ADGRB1: variants seen among roughly 807,000 people sequenced by gnomAD.
ADGRB1 encodes adhesion G protein-coupled receptor B1.
Under a neutral mutation model 175.7 loss-of-function variants are expected in ADGRB1, and 36 were observed. The ratio of observed to expected loss-of-function variants is 0.20; its 90% confidence interval spans 0.16 to 0.27. ADGRB1 has a LOEUF of 0.27. Among genes scored for constraint, ADGRB1 ranks in the 10% least tolerant of loss-of-function variants. ADGRB1 has a pLI of 1.00. For synonymous variants in ADGRB1, 1,054 were observed against 979.4 expected (o/e 1.08, Z -1.42); for missense variants, 1,731 against 2,255.3 (o/e 0.77, Z 4.71).
chr8:142,513,219 G>T (rs749297745), intron 18 of ADGRB1, among the ~76,000 whole-genome samples: 1 of 152,202 alleles, frequency 6.6e-6, no homozygotes, highest in Non-Finnish European at 1.5e-5. Flanking sequence ...GACCCTGGGA[G>T]CCTCAGTGTC....
chr8:142,525,781 G>C (rs1360844467), intron 23 of ADGRB1, among the ~76,000 whole-genome samples: 1 of 152,196 alleles, frequency 6.6e-6, no homozygotes, highest in African/African-American at 2.4e-5. Flanking sequence ...GCCTGAGGAA[G>C]TCAGGCCTTG....
At position 142,477,190 on chromosome 8, in the gene ADGRB1, G is replaced by A. The variant is rs371115579; in HGVS notation, c.1134G>A (p.Thr378=). 15 of 1,597,212 alleles carry A rather than the reference G, an allele frequency of 9.4e-6. No individual in the cohort carries two copies. Among genetic ancestry groups the A allele is most frequent in the Non-Finnish European group, 1.3e-5 (15 of 1,178,234 alleles). ...GCGGCGAGGGCTGGCAGACCCGCAC[G>A]CGCTTCTGCGTGTCCTCCTCCTACA... ...STCGEGWQTR[T]RFCVSSSYST... The change falls in exon 5 of 31, where the codon ACG becomes ACA. Residue 378 remains threonine, a synonymous_variant. Transcript: ENST00000517894.
chr8:142,499,210 G>C (rs931516672), intron 17 of ADGRB1, among the ~76,000 whole-genome samples: 2 of 152,228 alleles, frequency 1.3e-5, no homozygotes, highest in African/African-American at 4.8e-5. Flanking sequence ...GGGAGGCTGT[G>C]GGTGACTTTC....
In ADGRB1 at chr8:142,489,343, A is replaced by T. The variant is rs1448595402; in HGVS notation, c.2536A>T (p.Thr846Ser). 1 of 1,612,606 alleles carries T rather than the reference A, an allele frequency of 6.2e-7. No individual in the cohort carries two copies. The highest frequency in any genetic ancestry group is 1.3e-5 in the African/African-American group (1 of 74,870). The change falls in exon 16 of 31, where the codon ACC becomes TCC. Residue 846 changes from threonine to serine, a missense_variant. Physicochemically the swap from Thr to Ser is moderately conservative, Grantham distance 58 (BLOSUM62 1). This residue lies in a region of ADGRB1 where 388 missense variants were observed against 630.9 expected (regional missense o/e 0.61). Coordinates refer to ENST00000517894, the MANE Select transcript of ADGRB1 (RefSeq NM_001702.3). ...TGCCTCTGGCTCTTGCAGGAACACGACCGTCCTGAATTCTAAGGTGATCTC... is the reference window on the plus strand; with the variant it reads ...TGCCTCTGGCTCTTGCAGGAACACGTCCGTCCTGAATTCTAAGGTGATCTC... ...GSFLALQRNT[T>S]VLNSKVISVT...
intron 19 of ADGRB1, among the ~76,000 whole-genome samples, chr8:142,519,081 A>AT (rs909337913): frequency 4.6e-5 from 7 of 151,978 alleles, no homozygotes; most frequent in Non-Finnish European, 1.0e-4. Flanking sequence ...GTCCTGCCTG[A>AT]GGGGACAGCA....
chr8:142,488,622 G>A lies in ADGRB1; in HGVS notation c.2452+115G>A, dbSNP rs560943378. On this transcript the variant is annotated intron_variant, in intron 14 of 30. Coordinates refer to ENST00000517894, the MANE Select transcript of ADGRB1 (RefSeq NM_001702.3). ...GCCTCAGAGTTGGGCGGTTCTCAAGGGGGTCCTCTTTTCCAGGAAGCCCTC... is the reference window on the plus strand; with the variant it reads ...GCCTCAGAGTTGGGCGGTTCTCAAGAGGGTCCTCTTTTCCAGGAAGCCCTC... The A allele has an allele frequency of 1.9e-3, 2,576 of 1,379,814 alleles. 6 individuals are homozygous for A. Among genetic ancestry groups the A allele is most frequent in the Non-Finnish European group, 2.3e-3 (2,356 of 1,022,826 alleles). The allele number at this position is 1,379,814 out of a possible 1,614,324, so 85.5% of individuals were successfully genotyped here. A position where few individuals can be genotyped will look rare whatever the true frequency, so the allele number is the denominator to read the frequency against.
rs1235046090 is a variant in ADGRB1, at chr8:142,537,070, C to T, written c.3654C>T (p.His1218=). Residue 1218 remains histidine, a synonymous_variant, in exon 26 of 31, where the codon CAC becomes CAT. Coordinates refer to ENST00000517894, the MANE Select transcript of ADGRB1 (RefSeq NM_001702.3). This position sits in a 1 kb window ranked among gnomAD's most constrained non-coding sequence, Gnocchi z 4.6. ...GDSGGSFQNG[H]AQLMTDFEKD... is the part of the protein sequence containing the mutation. ...CAGGGGGCTCCTTCCAGAACGGCCA[C>T]GCCCAGCTCATGGTAGGACTCAGGG... The T allele has an allele frequency of 7.1e-6, 11 of 1,557,676 alleles. No homozygotes were observed. The highest frequency in any genetic ancestry group is 2.4e-5 in the South Asian group (2 of 82,468).
At chr8:142,488,549 G>A (rs777765157) in intron 14 of ADGRB1, 42 bp downstream of exon 14, 22 of 1,601,000 alleles carry the variant, frequency 1.4e-5, no homozygotes, top group Middle Eastern at 1.7e-4. Context: ...CATGGGGGAC[G>A]TGGGCCCCAG....
intron 15 of ADGRB1, 62 bp from the exon 16 acceptor site, chr8:142,489,274 A>G (rs2131875334): frequency 6.3e-7 from 1 of 1,590,912 alleles, no homozygotes; most frequent in Non-Finnish European, 8.6e-7. Context: ...CACCTGGGGA[A>G]GGGCCAGGAG....
chr8:142,480,204 A>AG (rs961179267), intron 9 of ADGRB1, among the ~76,000 whole-genome samples: 17 of 152,176 alleles, frequency 1.1e-4, no homozygotes, highest in Non-Finnish European at 1.8e-4. Flanking sequence ...TCGCTGCACT[A>AG]GGGGCAGGCC....
intron 1 of ADGRB1, among the ~76,000 whole-genome samples, chr8:142,451,853 A>C (rs1041664485): frequency 6.6e-6 from 1 of 152,114 alleles, no homozygotes; most frequent in Non-Finnish European, 1.5e-5. Flanking sequence ...CCGGCTGCCG[A>C]GGAGGCAACG....
intron 2 of ADGRB1, 54 bp downstream of exon 2, chr8:142,465,036 GCGGGC>G: frequency 2.0e-6 from 2 of 977,510 alleles, no homozygotes; most frequent in Non-Finnish European, 2.6e-6. Flanking sequence ...GACAGGGGAG[GCGGGC>G]AGACAGGGGA....
intron 2 of ADGRB1, 93 bp from the exon 3 acceptor site, chr8:142,475,381 C>A (rs1429553737): frequency 1.7e-6 from 2 of 1,201,814 alleles, no homozygotes; most frequent in East Asian, 6.3e-5. Context: ...CCCACCCGGG[C>A]CGGCCTCGGC....
In ADGRB1 at chr8:142,544,526, C is replaced by A; in HGVS notation, c.*109C>A. 7.8e-7 allele frequency: 1 copy of A among 1,277,868 alleles called. No individual in the cohort carries two copies. The highest frequency in any genetic ancestry group is 1.8e-5 in the South Asian group (1 of 56,354). The allele number at this position is 1,277,868 out of a possible 1,614,324, so 79.2% of individuals were successfully genotyped here. ...TCGCGGGCAGCGGGCCAGGCCCGCA[C>A]CCCGGCCTCAGGGCGCTCAGACGGC... is the stretch of plus-strand genomic sequence containing the variant. On this transcript the variant is annotated 3_prime_UTR_variant, in exon 31 of 31. Coordinates refer to ENST00000517894, the MANE Select transcript of ADGRB1 (RefSeq NM_001702.3).
intron 7 of ADGRB1, among the ~76,000 whole-genome samples, chr8:142,478,755 G>C (rs1841149243): frequency 6.7e-6 from 1 of 150,084 alleles, no homozygotes; most frequent in African/African-American, 2.5e-5. Flanking sequence ...TGCACAGTGG[G>C]ACTTGGGGTG....
At chr8:142,529,305 C>T (rs1470399432) in intron 24 of ADGRB1, among the ~76,000 whole-genome samples, 2 of 151,826 alleles carry the variant, frequency 1.3e-5, no homozygotes, top group Non-Finnish European at 2.9e-5. Flanking sequence ...AGTGTGCATT[C>T]GTGTGAGAGC....
intron 18 of ADGRB1, among the ~76,000 whole-genome samples, chr8:142,514,349 GGCGCAGATGCGGGCT>G (rs1243151362): frequency 1.3e-5 from 2 of 152,084 alleles, no homozygotes; most frequent in Non-Finnish European, 1.5e-5. Flanking sequence ...CCAGGGTGTC[GGCGCAGATGCGGGCT>G]GCGCAGATGC....
At chr8:142,460,355 C>A (rs1467725282) in intron 1 of ADGRB1, among the ~76,000 whole-genome samples, 2 of 152,220 alleles carry the variant, frequency 1.3e-5, no homozygotes, top group African/African-American at 4.8e-5. Context: ...CCAGCATTGC[C>A]CAGTGGCCCA....
At chr8:142,518,084 C>A in intron 18 of ADGRB1, 54 bp from the exon 19 acceptor site, 1 of 1,561,978 alleles carries the variant, frequency 6.4e-7, no homozygotes, top group Non-Finnish European at 8.8e-7. Flanking sequence ...TCGGGTCTGC[C>A]GAGTGGGCGA....
Sources: allele counts gnomAD v4.1 joint callset (sites outside exome capture counted in the v4.1 genomes callset), GRCh38; gene constraint gnomAD v4.1.1; regional missense constraint gnomAD v4.1.1; non-coding constraint Gnocchi (gnomAD v3.1); transcripts MANE v1.5; gene names NCBI Gene and HGNC (gene_info 2026-07-23, HGNC 2026-07-21).